The following CNTLN variants were observed in gnomAD, a reference collection of about 807,000 sequenced individuals.
CNTLN encodes the protein centlein, centrosomal protein.
Under a neutral mutation model 180.0 loss-of-function variants are expected in CNTLN, and 212 were observed. That is an observed-to-expected ratio of 1.18 (90% CI 1.05 to 1.32). The LOEUF is 1.32. CNTLN is among the 40% of genes most tolerant of loss of function. CNTLN has a pLI of 0.00. For missense variants in CNTLN, 2,095 were observed against 1,610.9 expected (o/e 1.30, Z -5.14); for synonymous variants, 722 against 563.1 (o/e 1.28, Z -3.99).
intron 7 of CNTLN, chr9:17,298,927 A>G (rs1477963339): frequency 3.0e-6 from 3 of 985,174 alleles, no homozygotes; most frequent in African/African-American, 1.7e-5. Context: ...CAGCAGCAAT[A>G]ATTTAATCTA....
chr9:17,496,427 C>G (rs2383030), intron 25 of CNTLN, among the ~76,000 whole-genome samples: 28 of 152,188 alleles, frequency 1.8e-4, no homozygotes, highest in Middle Eastern at 6.8e-3. Context: ...AGCAAGGGAG[C>G]GAGTAAGCTC....
At chr9:17,459,927 T>G (rs1564125372) in intron 19 of CNTLN, among the ~76,000 whole-genome samples, 2 of 151,776 alleles carry the variant, frequency 1.3e-5, no homozygotes. Flanking sequence ...CATACTAATT[T>G]GTTTAGGGGA....
chr9:17,248,101 T>C (rs1314950258), intron 5 of CNTLN, among the ~76,000 whole-genome samples: 1 of 152,144 alleles, frequency 6.6e-6, no homozygotes, highest in Non-Finnish European at 1.5e-5. Flanking sequence ...TGGGATTACA[T>C]AGGCGTGAGC....
In CNTLN at chr9:17,415,983, A is replaced by T. The variant is rs1334000838; in HGVS notation, c.2908A>T (p.Lys970Ter). 1 of 1,608,848 alleles carries T rather than the reference A, an allele frequency of 6.2e-7. No homozygotes were observed. The highest frequency in any genetic ancestry group is 8.5e-7 in the Non-Finnish European group (1 of 1,178,452). ...VPTRVNREKY[K>*]NITAQKSSSN... ...TTATGTAGTCAACAGAGAAAAGTACAAAAATATAACTGCCCAGAAATCAAG... is the reference window on the plus strand; with the variant it reads ...TTATGTAGTCAACAGAGAAAAGTACTAAAATATAACTGCCCAGAAATCAAG... Residue 970 changes from lysine (K) to a stop codon, truncating the protein, a stop_gained, in exon 18 of 26, where the codon AAA becomes TAA. Coordinates refer to ENST00000380647, the MANE Select transcript of CNTLN (RefSeq NM_017738.4). LOFTEE classifies it high-confidence loss of function.
intron 2 of CNTLN, among the ~76,000 whole-genome samples, chr9:17,213,089 T>A (rs1234930457): frequency 6.6e-6 from 1 of 152,202 alleles, no homozygotes; most frequent in Non-Finnish European, 1.5e-5. Flanking sequence ...ATTTCTCGCC[T>A]TCTGCTAGCT....
intron 8 of CNTLN, among the ~76,000 whole-genome samples, chr9:17,320,046 G>A (rs773135080): frequency 1.3e-5 from 2 of 152,164 alleles, no homozygotes; most frequent in Non-Finnish European, 2.9e-5. Context: ...TTGCCTTGGA[G>A]GAATATCTTG....
rs531017451 is a variant in CNTLN at position 17,201,455 on chromosome 9, G to A, written c.450-24748G>A. ...TCTGGTAGAATTCAGCTGTGAATCC[G>A]TCTGGACCTGGGCTTTTTTTTGGTT... On this transcript the variant is annotated intron_variant, in intron 2 of 25. Coordinates refer to ENST00000380647, the MANE Select transcript of CNTLN (RefSeq NM_017738.4). Among the ~76,000 whole-genome samples, 421 of 152,200 alleles carry A rather than the reference G, an allele frequency of 2.8e-3. 1 individual carries two copies. The highest frequency in any genetic ancestry group is 8.7e-3 in the African/African-American group (363 of 41,520).
Position 17,409,476 on chromosome 9 carries a change from A to G in CNTLN, c.2796+3A>G. ...ATATAGATGGCAAGACCCCAAAGGTAAATGACATGATTTTGCTTAATTGTA... is the reference window on the plus strand; with the variant it reads ...ATATAGATGGCAAGACCCCAAAGGTGAATGACATGATTTTGCTTAATTGTA... On this transcript the variant is annotated splice_donor_region_variant and intron_variant, in intron 16 of 25. Coordinates refer to ENST00000380647, the MANE Select transcript of CNTLN (RefSeq NM_017738.4). 1 of 1,579,402 alleles carries G rather than the reference A, an allele frequency of 6.3e-7. No homozygotes were observed. The highest frequency in any genetic ancestry group is 1.2e-5 in the South Asian group (1 of 84,144).
Position 17,352,534 on chromosome 9 carries a change from T to C in CNTLN, c.1886+10090T>C, listed in dbSNP as rs1158952636. 2.0e-5 allele frequency among the ~76,000 whole-genome samples: 3 copies of C among 151,818 alleles called. No individual in the cohort carries two copies. The East Asian group carries it at 5.8e-4, about 29-fold the overall frequency. ...TGATGACATATTTTGAAAACAAATG[T>C]ATTTTCAGGTAACCATTAACAATAT... On this transcript the variant is annotated intron_variant, in intron 12 of 25. Coordinates refer to ENST00000380647, the MANE Select transcript of CNTLN (RefSeq NM_017738.4).
At chr9:17,461,247 T>C (rs1346999900) in intron 19 of CNTLN, among the ~76,000 whole-genome samples, 1 of 151,634 alleles carries the variant, frequency 6.6e-6, no homozygotes, top group Non-Finnish European at 1.5e-5. Context: ...TATTTCTAAC[T>C]GAATGAACAA....
chr9:17,458,816 T>C (rs949365399), intron 19 of CNTLN, among the ~76,000 whole-genome samples: 1 of 151,908 alleles, frequency 6.6e-6, no homozygotes, highest in African/African-American at 2.4e-5. Context: ...CAACATTTTA[T>C]AATCTTAAAT....
chr9:17,180,688 T>A (rs993882661), intron 2 of CNTLN, among the ~76,000 whole-genome samples: 2 of 152,146 alleles, frequency 1.3e-5, no homozygotes, highest in Non-Finnish European at 2.9e-5. Flanking sequence ...CTTTTCTATT[T>A]AGAAAACTTA....
intron 2 of CNTLN, among the ~76,000 whole-genome samples, chr9:17,206,693 G>A (rs1822945948): frequency 6.6e-6 from 1 of 152,114 alleles, no homozygotes; most frequent in African/African-American, 2.4e-5. Flanking sequence ...GAACTCAATT[G>A]ACCATTTGAA....
At chr9:17,509,724 G>T in the CNTLN span, among the ~76,000 whole-genome samples, 2 of 152,132 alleles carry the variant, frequency 1.3e-5, no homozygotes, top group Non-Finnish European at 1.5e-5. Flanking sequence ...AAATCAGGGG[G>T]TGGAATTGGG....
At chr9:17,408,141 A>AG (rs1196223726) in intron 15 of CNTLN, among the ~76,000 whole-genome samples, 1 of 149,980 alleles carries the variant, frequency 6.7e-6, no homozygotes, top group East Asian at 2.0e-4. Flanking sequence ...AAAAAAAAAA[A>AG]AAAAAAAAAA....
At chr9:17,427,868 T>G (rs1829188926) in intron 18 of CNTLN, among the ~76,000 whole-genome samples, 1 of 152,184 alleles carries the variant, frequency 6.6e-6, no homozygotes, top group Non-Finnish European at 1.5e-5. Flanking sequence ...CATTCTTTCA[T>G]TCATCAAGCA....
At chr9:17,495,873 A>C (rs1482714454) in intron 25 of CNTLN, among the ~76,000 whole-genome samples, 1 of 152,134 alleles carries the variant, frequency 6.6e-6, no homozygotes, top group East Asian at 1.9e-4. Flanking sequence ...AGGTATACTA[A>C]TACTTATGAT....
At chr9:17,298,582 C>A in intron 7 of CNTLN, 1 of 1,131,628 alleles carries the variant, frequency 8.8e-7, no homozygotes, top group South Asian at 3.5e-5. Context: ...CAAACTTACT[C>A]TATAGGGTAT....
chr9:17,429,654 AAAG>A (rs1829299858), intron 18 of CNTLN, among the ~76,000 whole-genome samples: 1 of 151,990 alleles, frequency 6.6e-6, no homozygotes, highest in African/African-American at 2.4e-5. Flanking sequence ...TGCAGGAAAA[AAAG>A]AGACCGCGTG....
Sources: gnomAD v4.1 joint callset for allele counts (sites outside exome capture counted in the v4.1 genomes callset) on GRCh38, gnomAD v4.1.1 for gene constraint, MANE v1.5 for transcripts, NCBI Gene and HGNC (gene_info 2026-07-23, HGNC 2026-07-21) for gene names.